The following HEMK2 variants were observed in gnomAD, a reference collection of about 807,000 sequenced individuals.
HEMK2 encodes HemK methyltransferase 2, ETF1 glutamine and histone H4 lysine.
the HEMK2 span, among the ~76,000 whole-genome samples, chr21:28,576,953 C>T: frequency 2.1e-3 from 317 of 152,216 alleles, 2 homozygotes; most frequent in African/African-American, 7.1e-3. Flanking sequence ...TCAAGTGATC[C>T]ACCCGCCTCA....
At chr21:28,857,469 T>C in the HEMK2 span, among the ~76,000 whole-genome samples, 1 of 152,176 alleles carries the variant, frequency 6.6e-6, no homozygotes. Context: ...TTTTGCTTGT[T>C]TTTAACTAGA....
At chr21:28,582,296 G>A in the HEMK2 span, among the ~76,000 whole-genome samples, 467 of 152,260 alleles carry the variant, frequency 3.1e-3, 1 homozygote, top group African/African-American at 0.011. Flanking sequence ...GACATCTCTG[G>A]TCTAAATAAT....
chr21:28,821,302 C>T, the HEMK2 span, among the ~76,000 whole-genome samples: 11 of 152,174 alleles, frequency 7.2e-5, no homozygotes, highest in Admixed American at 2.0e-4. Flanking sequence ...AATCGGCAAC[C>T]TCAATCTGAA....
At chr21:28,842,745 T>C in the HEMK2 span, among the ~76,000 whole-genome samples, 2 of 152,168 alleles carry the variant, frequency 1.3e-5, no homozygotes, top group Non-Finnish European at 1.5e-5. Flanking sequence ...TTTCAGGTGA[T>C]CATGGGACCT....
the HEMK2 span, among the ~76,000 whole-genome samples, chr21:28,743,584 A>G: frequency 2.6e-5 from 4 of 150,954 alleles, no homozygotes; most frequent in East Asian, 7.7e-4. Flanking sequence ...AGAGAAGGTG[A>G]AGGGAGAATG....
At chr21:28,800,781 A>T in the HEMK2 span, among the ~76,000 whole-genome samples, 1 of 152,200 alleles carries the variant, frequency 6.6e-6, no homozygotes, top group African/African-American at 2.4e-5. Flanking sequence ...ACTCTTTTAG[A>T]AAAGGCCAAT....
the HEMK2 span, among the ~76,000 whole-genome samples, chr21:28,720,803 C>T: frequency 2.6e-5 from 4 of 152,126 alleles, no homozygotes; most frequent in Non-Finnish European, 4.4e-5. Context: ...AAGAAAGTGT[C>T]ATGCGAAATA....
the HEMK2 span, among the ~76,000 whole-genome samples, chr21:28,871,438 G>GC: frequency 2.6e-5 from 4 of 152,138 alleles, no homozygotes; most frequent in Non-Finnish European, 5.9e-5. Flanking sequence ...ACAGCAAGGA[G>GC]CAAGTCTGCC....
chr21:28,697,272 C>T, the HEMK2 span, among the ~76,000 whole-genome samples: 1 of 152,174 alleles, frequency 6.6e-6, no homozygotes, highest in South Asian at 2.1e-4. Context: ...TTTCTTTCCC[C>T]AGATACCCTA....
chr21:28,595,942 G>A, the HEMK2 span, among the ~76,000 whole-genome samples: 9 of 151,452 alleles, frequency 5.9e-5, no homozygotes, highest in African/African-American at 2.2e-4. Flanking sequence ...CTGCCACCAG[G>A]CCCAGCTAAT....
At chr21:28,856,393 T>A in the HEMK2 span, among the ~76,000 whole-genome samples, 1 of 151,808 alleles carries the variant, frequency 6.6e-6, no homozygotes, top group Non-Finnish European at 1.5e-5. Context: ...CCAGCCTGGA[T>A]TGACAGAGCA....
chr21:28,811,005 A>C, the HEMK2 span, among the ~76,000 whole-genome samples: 1 of 152,194 alleles, frequency 6.6e-6, no homozygotes, highest in Non-Finnish European at 1.5e-5. Flanking sequence ...AGTCCCTAAC[A>C]TGAAAAGGCT....
At chr21:28,649,413 G>A in the HEMK2 span, among the ~76,000 whole-genome samples, 10 of 152,292 alleles carry the variant, frequency 6.6e-5, no homozygotes, top group African/African-American at 1.9e-4. Context: ...ACCTTTGATC[G>A]TTTATTCATT....
the HEMK2 span, among the ~76,000 whole-genome samples, chr21:28,866,559 T>A: frequency 6.6e-6 from 1 of 152,012 alleles, no homozygotes; most frequent in Non-Finnish European, 1.5e-5. Context: ...GTTGTGATGG[T>A]GCACATCTGT....
At chr21:28,885,367 C>T in the HEMK2 span, 24 of 1,527,406 alleles carry the variant, frequency 1.6e-5, no homozygotes, top group South Asian at 2.4e-5. Context: ...GCGTTCCATG[C>T]GCGTGCGCAG....
chr21:28,775,626 T>C, the HEMK2 span, among the ~76,000 whole-genome samples: 3 of 152,110 alleles, frequency 2.0e-5, no homozygotes, highest in Non-Finnish European at 2.9e-5. Context: ...CAAAAAATAA[T>C]GCTTTTTTTC....
chr21:28,595,427 T>C, the HEMK2 span, among the ~76,000 whole-genome samples: 102 of 152,224 alleles, frequency 6.7e-4, no homozygotes, highest in Admixed American at 2.7e-3. Flanking sequence ...AATGAGAACA[T>C]GTGATGGTTG....
chr21:28,838,972 A>AAAAT, the HEMK2 span, among the ~76,000 whole-genome samples: 11 of 29,162 alleles, frequency 3.8e-4, no homozygotes, highest in Non-Finnish European at 4.5e-4. Flanking sequence ...AAAAAAAAAA[A>AAAAT]ATATATATAT....
chr21:28,810,207 T>C, the HEMK2 span, among the ~76,000 whole-genome samples: 1 of 152,130 alleles, frequency 6.6e-6, no homozygotes, highest in Non-Finnish European at 1.5e-5. Flanking sequence ...GACACAAATT[T>C]TTCCCACCCA....
Sources: gnomAD v4.1 joint callset for allele counts (sites outside exome capture counted in the v4.1 genomes callset) on GRCh38, gnomAD v4.1.1 for gene constraint, MANE v1.5 for transcripts, NCBI Gene and HGNC (gene_info 2026-07-23, HGNC 2026-07-21) for gene names.